Variants in ARHGAP15 observed in about 807,000 individuals in gnomAD.
ARHGAP15 encodes Rho GTPase activating protein 15, also known as rho GTPase-activating protein 15.
Under a neutral mutation model 63.7 loss-of-function variants are expected in ARHGAP15, and 51 were observed. The ratio of observed to expected loss-of-function variants is 0.80; its 90% CI spans 0.64 to 1.01. ARHGAP15 has a LOEUF of 1.01. ARHGAP15 is among the 50% of genes least tolerant of loss of function. ARHGAP15 has a pLI of 0.00. For missense variants in ARHGAP15, 560 were observed against 564.6 expected, an observed-to-expected ratio of 0.99 and a Z score of 0.08; for synonymous variants, 191 against 193.8, an observed-to-expected ratio of 0.99 and a Z score of 0.12.
chr2:143,616,647 G>A (rs1443781477), intron 11 of ARHGAP15, among the ~76,000 whole-genome samples: 1 of 152,152 alleles, frequency 6.6e-6, no homozygotes, highest in East Asian at 1.9e-4. Context: ...AATTCAAGGA[G>A]GCCACAGAAA....
chr2:143,663,635 G>C (rs1466473318), intron 12 of ARHGAP15, among the ~76,000 whole-genome samples: 1 of 152,086 alleles, frequency 6.6e-6, no homozygotes, highest in Non-Finnish European at 1.5e-5. Flanking sequence ...TGGATAAAGA[G>C]TCAAGACCCA....
chr2:143,353,566 T>G (rs1685670184), intron 6 of ARHGAP15, among the ~76,000 whole-genome samples: 1 of 152,112 alleles, frequency 6.6e-6, no homozygotes, highest in South Asian at 2.1e-4. Flanking sequence ...ACTCATTCAG[T>G]TAGATAAATG....
chr2:143,358,313 G>A (rs1474005743), intron 6 of ARHGAP15, among the ~76,000 whole-genome samples: 1 of 152,128 alleles, frequency 6.6e-6, no homozygotes, highest in African/African-American at 2.4e-5. Context: ...AAACAGCTCA[G>A]AAATTTCAAA....
chr2:143,734,912 T>C (rs1224681435), intron 13 of ARHGAP15, among the ~76,000 whole-genome samples: 2 of 152,176 alleles, frequency 1.3e-5, no homozygotes, highest in African/African-American at 4.8e-5. Context: ...TCCTGAATAT[T>C]CTGACTTTAT....
chr2:143,476,487 T>A (rs545022328), intron 8 of ARHGAP15, among the ~76,000 whole-genome samples: 155 of 152,266 alleles, frequency 1.0e-3, no homozygotes, highest in African/African-American at 3.6e-3. Flanking sequence ...CATTCTAAGG[T>A]TTGGGAAAAG....
chr2:143,726,441 A>G (rs1238075483), intron 13 of ARHGAP15, among the ~76,000 whole-genome samples: 1 of 152,192 alleles, frequency 6.6e-6, no homozygotes, highest in African/African-American at 2.4e-5. Flanking sequence ...AAAAGAAAAA[A>G]AAAAGCTTTA....
chr2:143,332,680 G>A (rs1031929427), intron 6 of ARHGAP15, among the ~76,000 whole-genome samples: 1 of 152,062 alleles, frequency 6.6e-6, no homozygotes, highest in Non-Finnish European at 1.5e-5. Flanking sequence ...GTGCTTAGAG[G>A]TTACGCCGAT....
At chr2:143,692,447 A>G (rs905240017) in intron 12 of ARHGAP15, among the ~76,000 whole-genome samples, 2 of 152,164 alleles carry the variant, frequency 1.3e-5, no homozygotes, top group Non-Finnish European at 2.9e-5. Flanking sequence ...GAGGAAACCC[A>G]AGGCAGCAAA....
chr2:143,752,777 C>A (rs1280978237), intron 13 of ARHGAP15, among the ~76,000 whole-genome samples: 1 of 152,146 alleles, frequency 6.6e-6, no homozygotes, highest in Non-Finnish European at 1.5e-5. Flanking sequence ...ACAGGAAGCT[C>A]TGGGGCACAT....
intron 5 of ARHGAP15, among the ~76,000 whole-genome samples, chr2:143,241,730 G>A (rs1693870395): frequency 6.6e-6 from 1 of 152,196 alleles, no homozygotes; most frequent in Admixed American, 6.5e-5. Context: ...CTGCCACAGC[G>A]AGAGCAGCAT....
chr2:143,275,490 G>A (rs1681502083), intron 6 of ARHGAP15, among the ~76,000 whole-genome samples: 1 of 152,198 alleles, frequency 6.6e-6, no homozygotes, highest in African/African-American at 2.4e-5. Context: ...AGTTCAAATA[G>A]ACACATTAAC....
intron 5 of ARHGAP15, among the ~76,000 whole-genome samples, chr2:143,231,254 C>T (rs1461919039): frequency 6.6e-6 from 1 of 151,700 alleles, no homozygotes; most frequent in Non-Finnish European, 1.5e-5. Context: ...ATATCATATG[C>T]TATTAAATAC....
intron 6 of ARHGAP15, among the ~76,000 whole-genome samples, chr2:143,333,280 T>A (rs1322404011): frequency 6.6e-6 from 1 of 152,222 alleles, no homozygotes; most frequent in Non-Finnish European, 1.5e-5. Flanking sequence ...GACTGTTGTT[T>A]TAAATATCAC....
chr2:143,192,008 A>C (rs1691702755), intron 2 of ARHGAP15, among the ~76,000 whole-genome samples: 1 of 152,224 alleles, frequency 6.6e-6, no homozygotes, highest in Non-Finnish European at 1.5e-5. Context: ...TTCCAATCAA[A>C]AGCCAGACTA....
chr2:143,335,137 A>G (rs1684715389), intron 6 of ARHGAP15, among the ~76,000 whole-genome samples: 1 of 152,178 alleles, frequency 6.6e-6, no homozygotes, highest in Admixed American at 6.6e-5. Context: ...GTGTTCCCAA[A>G]CATATCTGAT....
At chr2:143,245,300 A>G (rs1417193326) in intron 5 of ARHGAP15, among the ~76,000 whole-genome samples, 1 of 152,184 alleles carries the variant, frequency 6.6e-6, no homozygotes, top group Non-Finnish European at 1.5e-5. Flanking sequence ...AAGAGTATAA[A>G]AGGTGAAATG....
chr2:143,567,338 C>T (rs373963180), intron 11 of ARHGAP15, among the ~76,000 whole-genome samples: 2 of 152,170 alleles, frequency 1.3e-5, no homozygotes, highest in African/African-American at 4.8e-5. Context: ...ATTAATGAGT[C>T]ATGTTGGGTC....
intron 9 of ARHGAP15, among the ~76,000 whole-genome samples, chr2:143,503,559 G>A (rs1693169986): frequency 6.6e-6 from 1 of 152,204 alleles, no homozygotes; most frequent in South Asian, 2.1e-4. Flanking sequence ...GCAAACAATA[G>A]CTATTGATGG....
chr2:143,581,748 T>C (rs1405898470), intron 11 of ARHGAP15, among the ~76,000 whole-genome samples: 1 of 152,160 alleles, frequency 6.6e-6, no homozygotes, highest in Non-Finnish European at 1.5e-5. Flanking sequence ...ACTCCGGAAA[T>C]GGCACATTCT....
Sources: gnomAD v4.1 joint callset for allele counts (sites outside exome capture counted in the v4.1 genomes callset) on GRCh38, gnomAD v4.1.1 for gene constraint, MANE v1.5 for transcripts, NCBI Gene and HGNC (gene_info 2026-07-23, HGNC 2026-07-21) for gene names.